The following KIF13B variants were observed in gnomAD, a reference collection of about 807,000 sequenced individuals.
KIF13B encodes kinesin family member 13B, also known as kinesin-like protein KIF13B.
KIF13B carries 127 observed loss-of-function variants against 222.0 expected under a neutral mutation model. The observed-to-expected ratio is 0.57, with a 90% CI of 0.50 to 0.66. The LOEUF (loss-of-function observed/expected upper bound fraction) is 0.66, where lower values mean the gene tolerates loss of function less well. Ranked by LOEUF, KIF13B falls within the 30% of genes least tolerant of loss-of-function variation. The pLI, the probability that KIF13B is intolerant of heterozygous loss-of-function variation, is 0.00. For synonymous variants in KIF13B, 976 were observed against 919.0 expected (o/e 1.06, Z -1.12); for missense variants, 2,173 against 2,379.0 (o/e 0.91, Z 1.80).
chr8:29,107,542 C>A (rs1251769526), intron 35 of KIF13B, among the ~76,000 whole-genome samples: 1 of 150,244 alleles, frequency 6.7e-6, no homozygotes, highest in East Asian at 2.0e-4. Flanking sequence ...CACACACACA[C>A]AAAATCTAAT....
chr8:29,244,732 C>A (rs1815945047), intron 2 of KIF13B, among the ~76,000 whole-genome samples: 1 of 152,286 alleles, frequency 6.6e-6, no homozygotes, highest in African/African-American at 2.4e-5. Context: ...GCCCCAAATT[C>A]ATGTTCTTCC....
chr8:29,167,536 G>A lies in KIF13B; in HGVS notation c.995C>T (p.Pro332Leu), dbSNP rs1314506035. 6.2e-7 allele frequency: 1 copy of A among 1,613,912 alleles called. No homozygotes were observed. The highest frequency in any genetic ancestry group is 8.5e-7 in the Non-Finnish European group (1 of 1,179,902). Reference protein sequence around the residue: ...SKTAMVATVSPAADNYDETLS... With the variant: ...SKTAMVATVSLAADNYDETLS... ...GGTTTCATCATAGTTATCAGCTGCAGGACTCACAGTAGCCACCATGGCGGT... is the reference window on the plus strand; with the variant it reads ...GGTTTCATCATAGTTATCAGCTGCAAGACTCACAGTAGCCACCATGGCGGT... Residue 332 changes from proline (P) to leucine (L), a missense_variant, in exon 11 of 40, where the codon CCT becomes CTT. Physicochemically the swap from Pro to Leu is moderately conservative, Grantham distance 98 (BLOSUM62 -3). Coordinates refer to ENST00000524189, the MANE Select transcript of KIF13B (RefSeq NM_015254.4).
In KIF13B at chr8:29,127,273, G is replaced by A; in HGVS notation, c.3076-5C>T. 2.5e-6 allele frequency: 4 copies of A among 1,612,684 alleles called. No homozygotes were observed. The highest frequency in any genetic ancestry group is 3.4e-6 in the Non-Finnish European group (4 of 1,179,268). Reference sequence around the variant, plus strand: ...TTGAACTCTCCGGGACTGCCCCTGGGTCACAGACAATTTAGAGTCTTAAAA... The same window carrying A: ...TTGAACTCTCCGGGACTGCCCCTGGATCACAGACAATTTAGAGTCTTAAAA... On this transcript the variant is annotated splice_region_variant and splice_polypyrimidine_tract_variant and intron_variant, in intron 24 of 39. Coordinates refer to ENST00000524189, the MANE Select transcript of KIF13B (RefSeq NM_015254.4).
At position 29,070,424 on chromosome 8, in the gene KIF13B, T is replaced by C. The variant is rs1807198002; in HGVS notation, c.*80A>G. Reference sequence around the variant, plus strand: ...GCCCCTGGGGAAGGGGCCACCGGGCTCCTGGCTCCTCAGGGCTGTCACTGG... The same window carrying C: ...GCCCCTGGGGAAGGGGCCACCGGGCCCCTGGCTCCTCAGGGCTGTCACTGG... On this transcript the variant is annotated 3_prime_UTR_variant, in exon 40 of 40. Transcript: ENST00000524189. This position sits in a 1 kb window ranked among gnomAD's most constrained non-coding sequence, Gnocchi z 4.1. 2.0e-6 allele frequency: 3 copies of C among 1,520,932 alleles called. No individual in the cohort carries two copies. Among genetic ancestry groups the C allele is most frequent in the African/African-American group, 2.8e-5 (2 of 72,554 alleles). The allele number at this position is 1,520,932 out of a possible 1,614,324, so 94.2% of individuals were successfully genotyped here.
At chr8:29,117,634 G>A (rs1809665100) in intron 30 of KIF13B, among the ~76,000 whole-genome samples, 1 of 152,154 alleles carries the variant, frequency 6.6e-6, no homozygotes, top group Non-Finnish European at 1.5e-5. Context: ...GCCGCTGGGT[G>A]TGTCGGACTG....
At chr8:29,214,165 C>T (rs951324983) in intron 2 of KIF13B, among the ~76,000 whole-genome samples, 3 of 152,162 alleles carry the variant, frequency 2.0e-5, no homozygotes, top group African/African-American at 7.2e-5. Flanking sequence ...TAACACTGTG[C>T]ACTTAGGCTA....
intron 2 of KIF13B, among the ~76,000 whole-genome samples, chr8:29,236,947 A>C (rs1815538079): frequency 6.6e-6 from 1 of 152,150 alleles, no homozygotes; most frequent in African/African-American, 2.4e-5. Flanking sequence ...ATGCTTATAG[A>C]TACATCATGT....
chr8:29,130,736 C>T, intron 23 of KIF13B, 71 bp from the exon 24 acceptor site: 1 of 1,403,140 alleles, frequency 7.1e-7, no homozygotes, highest in Admixed American at 1.7e-5. Context: ...GGGTCCTACA[C>T]ACATAAGAAT....
intron 1 of KIF13B, among the ~76,000 whole-genome samples, chr8:29,246,106 G>A (rs1816008547): frequency 6.6e-6 from 1 of 152,188 alleles, no homozygotes; most frequent in South Asian, 2.1e-4. Flanking sequence ...ATGGCCGGGT[G>A]CGGTGGCTCA....
chr8:29,118,983 A>C lies in KIF13B; in HGVS notation c.3545T>G (p.Phe1182Cys). ...GTCATCAAGATTATCCTGAGAGCTG[A>C]AATCATCAGCTAAAAGCAAAGAAGT... ...VIFLDLNADD[F>C]SSQDNLDDPE... The change falls in exon 30 of 40, where the codon TTC (phenylalanine) becomes TGC (cysteine). Residue 1182 changes from phenylalanine to cysteine, a missense_variant. Physicochemically the swap from Phe to Cys is radical, Grantham distance 205. Transcript: ENST00000524189. 2 of 1,613,486 alleles carry C rather than the reference A, an allele frequency of 1.2e-6. No homozygotes were observed. Among genetic ancestry groups the C allele is most frequent in the Non-Finnish European group, 1.7e-6 (2 of 1,179,714 alleles).
intron 8 of KIF13B, among the ~76,000 whole-genome samples, chr8:29,179,639 C>CT (rs1812628738): frequency 6.6e-6 from 1 of 152,242 alleles, no homozygotes; most frequent in Non-Finnish European, 1.5e-5. Flanking sequence ...CAGAGGCTGC[C>CT]TGCTGCCCCT....
At chr8:29,223,863 T>TGTGTGTG (rs1293626203) in intron 2 of KIF13B, among the ~76,000 whole-genome samples, 1 of 151,382 alleles carries the variant, frequency 6.6e-6, no homozygotes, top group African/African-American at 2.4e-5. Flanking sequence ...GGCTAATTTT[T>TGTGTGTG]TGTATTTTTA....
At chr8:29,245,838 G>A (rs990579940) in intron 1 of KIF13B, among the ~76,000 whole-genome samples, 5 of 152,118 alleles carry the variant, frequency 3.3e-5, no homozygotes, top group African/African-American at 4.8e-5. Context: ...AACATGTTAC[G>A]CAGAATACAA....
rs190154854 is a variant in KIF13B at position 29,257,492 on chromosome 8, A to G, written c.55+5488T>C. Among the ~76,000 whole-genome samples the G allele has an allele frequency of 4.1e-3, 622 of 152,336 alleles. 3 individuals carry two copies. Among genetic ancestry groups the G allele is most frequent in the South Asian group, 0.012 (56 of 4,830 alleles). ...TGGTTTCTTCCATTTTCAGCACTTA[A>G]GAAGTGGAAAAGTCGGACAGTTATT... is the stretch of plus-strand genomic sequence containing the variant. On this transcript the variant is annotated intron_variant, in intron 1 of 39. Coordinates refer to ENST00000524189, the MANE Select transcript of KIF13B (RefSeq NM_015254.4).
At chr8:29,075,996 C>T (rs1313490956) in intron 37 of KIF13B, among the ~76,000 whole-genome samples, 1 of 152,130 alleles carries the variant, frequency 6.6e-6, no homozygotes, top group Non-Finnish European at 1.5e-5. Context: ...ACTCCAGTGA[C>T]AGAGCAGGGG....
intron 37 of KIF13B, among the ~76,000 whole-genome samples, chr8:29,085,017 T>A (rs1174879706): frequency 6.6e-6 from 1 of 152,270 alleles, no homozygotes; most frequent in African/African-American, 2.4e-5. Flanking sequence ...TAAGTCCTTA[T>A]GAATATGTTC....
intron 3 of KIF13B, 66 bp downstream of exon 3, chr8:29,196,121 T>C: frequency 1.5e-6 from 2 of 1,309,678 alleles, no homozygotes; most frequent in Non-Finnish European, 2.1e-6. Context: ...GAAGAAAACT[T>C]CTAAGAGTTC....
At position 29,070,320 on chromosome 8, in the gene KIF13B, C is replaced by A. The variant is rs537457397; in HGVS notation, c.*184G>T. The A allele has an allele frequency of 1.5e-6, 1 of 652,458 alleles. No homozygotes were observed. The highest frequency in any genetic ancestry group is 2.6e-6 in the Non-Finnish European group (1 of 388,350). The allele number at this position is 652,458 out of a possible 1,614,324, so 40.4% of individuals were successfully genotyped here. On this transcript the variant is annotated 3_prime_UTR_variant, in exon 40 of 40. Coordinates refer to ENST00000524189, the MANE Select transcript of KIF13B (RefSeq NM_015254.4). The surrounding 1 kb of genome is among the most constrained non-coding windows in gnomAD (Gnocchi z 4.1). ...GCACAGTTGAGGCCCCCACTTTACC[C>A]GGGTACAGAAGAAACAAAGCTTCCA...
In KIF13B at chr8:29,118,122, C is replaced by T. The variant is rs533649690; in HGVS notation, c.3660+746G>A. Among the ~76,000 whole-genome samples, 14 of 151,694 alleles carry T rather than the reference C, an allele frequency of 9.2e-5. 1 individual carries two copies. In the East Asian group the frequency reaches 9.7e-4, roughly 11 times the overall value. On this transcript the variant is annotated intron_variant, in intron 30 of 39. Coordinates refer to ENST00000524189, the MANE Select transcript of KIF13B (RefSeq NM_015254.4). ...GCAGTGAGCTGAGATCGCACCATTG[C>T]GCTCCAGCCTGGGCAACAGAGCAAG...
Sources: allele counts gnomAD v4.1 joint callset (sites outside exome capture counted in the v4.1 genomes callset), GRCh38; gene constraint gnomAD v4.1.1; non-coding constraint Gnocchi (gnomAD v3.1); transcripts MANE v1.5; gene names NCBI Gene and HGNC (gene_info 2026-07-23, HGNC 2026-07-21).